Variants in PCDH15 observed in about 807,000 individuals in gnomAD.
PCDH15 encodes the protein protocadherin-15.
PCDH15 carries 129 observed loss-of-function variants against 178.5 expected under a neutral mutation model. The ratio of observed to expected loss-of-function variants is 0.72; its 90% CI spans 0.63 to 0.84. PCDH15 has a LOEUF of 0.84. Ranked by LOEUF, PCDH15 falls within the 40% of genes least tolerant of loss-of-function variation. The probability of loss-of-function intolerance (pLI) is 0.00; values close to 1 mark genes in which losing one functional copy is unlikely to be tolerated. For missense variants in PCDH15, 2,230 were observed against 2,099.9 expected (o/e 1.06, Z -1.21); for synonymous variants, 800 against 732.0 (o/e 1.09, Z -1.50).
At chr10:55,273,444 A>G (rs1842500879) in intron 1 of PCDH15, among the ~76,000 whole-genome samples, 1 of 152,108 alleles carries the variant, frequency 6.6e-6, no homozygotes, top group Non-Finnish European at 1.5e-5. Context: ...TTAAGAAGCT[A>G]TTATCTCCTA....
intron 3 of PCDH15, among the ~76,000 whole-genome samples, chr10:54,848,414 TAATC>T (rs1953551559): frequency 6.7e-6 from 1 of 148,828 alleles, no homozygotes; most frequent in Non-Finnish European, 1.5e-5. Flanking sequence ...GCTAATTAAT[TAATC>T]AGTTATTACG....
intron 2 of PCDH15, among the ~76,000 whole-genome samples, chr10:55,094,929 C>CTTTTT (rs60073886): frequency 0.034 from 4,404 of 130,186 alleles, 186 homozygotes; most frequent in East Asian, 0.13. Flanking sequence ...TATCCAAATT[C>CTTTTT]TTTTTTTTTT....
chr10:55,539,229 T>A (rs555398984), intron 2 of PCDH15, among the ~76,000 whole-genome samples: 2 of 152,212 alleles, frequency 1.3e-5, no homozygotes, highest in African/African-American at 4.8e-5. Flanking sequence ...ATTTGTATTA[T>A]TATTTCTACC....
At chr10:55,074,252 G>C (rs1232552503) in intron 2 of PCDH15, among the ~76,000 whole-genome samples, 1 of 152,060 alleles carries the variant, frequency 6.6e-6, no homozygotes, top group East Asian at 1.9e-4. Context: ...TGGGTAAAAT[G>C]GTATTTCTGG....
intron 1 of PCDH15, among the ~76,000 whole-genome samples, chr10:54,731,563 T>TATATATAC: frequency 2.0e-5 from 1 of 49,882 alleles, no homozygotes; most frequent in African/African-American, 6.5e-5. Flanking sequence ...TATATATATA[T>TATATATAC]ACACACACAC....
In PCDH15 at chr10:54,179,363, G is replaced by A. The variant is rs558665204; in HGVS notation, c.1590+4081C>T. On this transcript the variant is annotated intron_variant, in intron 13 of 37. Coordinates refer to ENST00000644397, the MANE Select transcript of PCDH15 (RefSeq NM_001384140.1). ...ATGTTCTCACTCATAGGTGGGAATT[G>A]AACAATGAGAACACATGGACACAGG... Among the ~76,000 whole-genome samples, 367 of 144,676 alleles carry A rather than the reference G, an allele frequency of 2.5e-3. 1 individual carries two copies. Among genetic ancestry groups the A allele is most frequent in the African/African-American group, 9.0e-3 (353 of 39,184 alleles). 94.9% of individuals were successfully genotyped at this position (144,676 alleles called of 152,430 possible).
intron 6 of PCDH15, among the ~76,000 whole-genome samples, chr10:54,344,826 G>A (rs1325236149): frequency 1.0e-4 from 14 of 133,690 alleles, no homozygotes; most frequent in African/African-American, 3.1e-4. Flanking sequence ...GTCCTTCTCT[G>A]TCACATTCTC....
chr10:55,200,549 A>G (rs1292295372), intron 1 of PCDH15, among the ~76,000 whole-genome samples: 1 of 151,942 alleles, frequency 6.6e-6, no homozygotes, highest in African/African-American at 2.4e-5. Context: ...ACGAGTTAAG[A>G]CTCTGGGGGA....
intron 1 of PCDH15, among the ~76,000 whole-genome samples, chr10:55,197,652 A>G (rs1840130900): frequency 6.6e-6 from 1 of 152,090 alleles, no homozygotes; most frequent in East Asian, 1.9e-4. Context: ...AGCAGGTGGA[A>G]ATAACAAATA....
chr10:55,108,708 T>TAAAA lies in PCDH15; in HGVS notation c.-80+57864_-80+57867dup, dbSNP rs35620650. Among the ~76,000 whole-genome samples the TAAAA allele has an allele frequency of 2.6e-4, 37 of 144,460 alleles. 1 individual carries two copies. Among genetic ancestry groups the TAAAA allele is most frequent in the African/African-American group, 8.5e-4 (34 of 40,126 alleles). The allele number at this position is 144,460 out of a possible 152,430, so 94.8% of individuals were successfully genotyped here. A position where few individuals can be genotyped will look rare whatever the true frequency, so the allele number is the denominator to read the frequency against. On this transcript the variant is annotated intron_variant, in intron 2 of 5. Coordinates refer to the PCDH15 transcript ENST00000458638. Reference sequence around the variant, plus strand: ...ATTCCTAATTGGCTAGGTTTCCAAATAAAAAAAAAAACAATAAATTTTAGG... The same window carrying TAAAA: ...ATTCCTAATTGGCTAGGTTTCCAAATAAAAAAAAAAAAAAACAATAAATTTTAGG...
At chr10:54,693,155 G>C (rs993087540) in intron 1 of PCDH15, among the ~76,000 whole-genome samples, 2 of 151,744 alleles carry the variant, frequency 1.3e-5, no homozygotes, top group African/African-American at 4.8e-5. Context: ...CTGTTCCTGT[G>C]TCAGCCATAA....
At chr10:53,854,953 A>G (rs2078625727) in intron 28 of PCDH15, among the ~76,000 whole-genome samples, 2 of 152,044 alleles carry the variant, frequency 1.3e-5, no homozygotes, top group South Asian at 4.1e-4. Flanking sequence ...GATTTTTCCT[A>G]TTTATATCAT....
At chr10:54,715,398 T>A (rs559112700) in intron 1 of PCDH15, among the ~76,000 whole-genome samples, 19 of 152,232 alleles carry the variant, frequency 1.2e-4, no homozygotes, top group African/African-American at 4.1e-4. Flanking sequence ...AATGGCGGGT[T>A]AGAGGCTGTT....
intron 2 of PCDH15, among the ~76,000 whole-genome samples, chr10:54,553,372 T>C (rs559250620): frequency 6.6e-6 from 1 of 152,134 alleles, no homozygotes; most frequent in African/African-American, 2.4e-5. Flanking sequence ...GTCTCAACTT[T>C]GGTCACTGTC....
intron 2 of PCDH15, among the ~76,000 whole-genome samples, chr10:55,564,297 CT>C (rs34341209): frequency 0.32 from 48,687 of 151,294 alleles, 8,381 homozygotes; most frequent in East Asian, 0.49. Flanking sequence ...TATTATTGAG[CT>C]TTTGCTAATA....
chr10:54,003,818 AG>A (rs1170971953), intron 20 of PCDH15, among the ~76,000 whole-genome samples: 1 of 151,566 alleles, frequency 6.6e-6, no homozygotes, highest in Non-Finnish European at 1.5e-5. Context: ...CTGATACCAA[AG>A]CTAGACAAAG....
chr10:54,815,695 G>A (rs1203999645), intron 3 of PCDH15, among the ~76,000 whole-genome samples: 1 of 151,938 alleles, frequency 6.6e-6, no homozygotes, highest in Non-Finnish European at 1.5e-5. Flanking sequence ...AGTACTCCCA[G>A]GCAACAAAGT....
At chr10:55,553,519 A>G (rs1274809500) in intron 2 of PCDH15, among the ~76,000 whole-genome samples, 1 of 151,756 alleles carries the variant, frequency 6.6e-6, no homozygotes, top group Non-Finnish European at 1.5e-5. Context: ...ATGAATATTC[A>G]TTGTCATTTT....
In PCDH15 at chr10:54,796,904, T is replaced by A. The variant is rs1393089578; in HGVS notation, c.-29+4021A>T. ...AAGTTGAAGAAATAAGTCCCTTAAA[T>A]GATAAAGCAAAAAGAAAAGTCACTG... On this transcript the variant is annotated intron_variant, in intron 1 of 37. Transcript: ENST00000644397. 2.0e-5 allele frequency among the ~76,000 whole-genome samples: 3 copies of A among 152,020 alleles called. No individual in the cohort carries two copies. In the East Asian group the frequency reaches 5.8e-4, roughly 29 times the overall value.
Sources: gnomAD v4.1 joint callset for allele counts (sites outside exome capture counted in the v4.1 genomes callset) on GRCh38, gnomAD v4.1.1 for gene constraint, MANE v1.5 for transcripts, NCBI Gene and HGNC (gene_info 2026-07-23, HGNC 2026-07-21) for gene names.